SLC38A6: variants seen among roughly 807,000 people sequenced by gnomAD.
The protein encoded by SLC38A6 is solute carrier family 38 member 6.
In SLC38A6, 73 loss-of-function variants were observed where a neutral mutation model predicts 65.0. That is an observed-to-expected ratio of 1.12 (90% CI 0.93 to 1.37). The LOEUF (loss-of-function observed/expected upper bound fraction) is 1.37, where lower values mean the gene tolerates loss of function less well. SLC38A6 is among the 40% of genes most tolerant of loss of function. SLC38A6 has a pLI of 0.00. For missense variants in SLC38A6, 561 were observed against 531.1 expected (o/e 1.06, Z -0.55); for synonymous variants, 183 against 178.8 (o/e 1.02, Z -0.19).
At chr14:60,991,364 A>T (rs2037870248) in intron 3 of SLC38A6, among the ~76,000 whole-genome samples, 1 of 152,194 alleles carries the variant, frequency 6.6e-6, no homozygotes, top group South Asian at 2.1e-4. Flanking sequence ...TAAGGACTTT[A>T]TGAATATGAA....
Position 61,050,622 on chromosome 14 carries a change from C to T in SLC38A6, c.1036C>T (p.Leu346=). ...ATTTGCTGTGCTTTTGACAGTCCCT[C>T]TAATCCACTTCCCTGTAAGTACTCT... ...ILFAVLLTVP[L]IHFPARKAVT... Residue 346 remains leucine (L), a synonymous_variant, in exon 13 of 16, where the codon CTA becomes TTA. Coordinates refer to ENST00000267488, the MANE Select transcript of SLC38A6 (RefSeq NM_153811.3). 1 of 1,571,018 alleles carries T rather than the reference C, an allele frequency of 6.4e-7. No individual in the cohort carries two copies. The highest frequency in any genetic ancestry group is 8.7e-7 in the Non-Finnish European group (1 of 1,152,794).
Position 61,083,689 on chromosome 14 carries a change from A to C in SLC38A6, c.1543A>C (p.Thr515Pro), listed in dbSNP as rs1321381679. The change falls in exon 17 of 17, where the codon ACC (threonine) becomes CCC (proline). Residue 515 changes from threonine to proline, a missense_variant. Transcript: ENST00000354886. ...CCACACCTTGATCTTGCACTTCCCA[A>C]CCTCCAGAACTGTGAGCAAATAAAT... 1.9e-6 allele frequency: 3 copies of C among 1,548,470 alleles called. No individual in the cohort carries two copies. In the South Asian group the frequency reaches 3.6e-5, roughly 19 times the overall value.
intron 12 of SLC38A6, among the ~76,000 whole-genome samples, chr14:61,048,830 A>G (rs2042325377): frequency 6.6e-6 from 1 of 152,188 alleles, no homozygotes. Flanking sequence ...CCATTTAAAA[A>G]GTCTATGAGG....
Position 61,050,556 on chromosome 14 carries a change from T to A in SLC38A6, c.970T>A (p.Ser324Thr). Residue 324 changes from serine (S) to threonine (T), a missense_variant, in exon 13 of 16, where the codon TCA becomes ACA. Coordinates refer to ENST00000267488, the MANE Select transcript of SLC38A6 (RefSeq NM_153811.3). ...ELLKGYSKYL[S>T]HDVVVMTVKL... ...ACTAAAAGGTTATAGTAAATACTTA[T>A]CACATGATGTTGTTGTCATGACTGT... The A allele has an allele frequency of 6.3e-7, 1 of 1,589,584 alleles. No individual in the cohort carries two copies. The highest frequency in any genetic ancestry group is 1.7e-4 in the Middle Eastern group (1 of 5,970).
At chr14:61,028,854 A>G (rs2040766381) in intron 5 of SLC38A6, among the ~76,000 whole-genome samples, 1 of 152,194 alleles carries the variant, frequency 6.6e-6, no homozygotes, top group African/African-American at 2.4e-5. Flanking sequence ...CTATAGTATT[A>G]TCTATCTCCA....
intron 3 of SLC38A6, among the ~76,000 whole-genome samples, chr14:60,991,785 A>G (rs1181324919): frequency 6.6e-6 from 1 of 152,118 alleles, no homozygotes; most frequent in Non-Finnish European, 1.5e-5. Context: ...AGGAGGATCT[A>G]CCTTTCTGTT....
chr14:60,989,037 TCTC>T (rs2037664035), intron 3 of SLC38A6, among the ~76,000 whole-genome samples: 1 of 151,974 alleles, frequency 6.6e-6, no homozygotes, highest in Admixed American at 6.5e-5. Context: ...TTTTATATCT[TCTC>T]CTGTCAAACC....
At chr14:61,074,956 A>G (rs2043350980) in intron 15 of SLC38A6, among the ~76,000 whole-genome samples, 1 of 152,110 alleles carries the variant, frequency 6.6e-6, no homozygotes, top group Admixed American at 6.6e-5. Context: ...TGTGAATTGT[A>G]TACTTTAAAG....
intron 3 of SLC38A6, among the ~76,000 whole-genome samples, chr14:61,014,276 G>T (rs1284211933): frequency 3.3e-5 from 5 of 152,026 alleles, no homozygotes; most frequent in Non-Finnish European, 7.4e-5. Flanking sequence ...ATTCTAGTTA[G>T]CCATTCGTCT....
At chr14:61,039,560 G>C (rs1040702883) in intron 8 of SLC38A6, among the ~76,000 whole-genome samples, 4 of 130,772 alleles carry the variant, frequency 3.1e-5, no homozygotes, top group African/African-American at 1.2e-4. Flanking sequence ...TAGTAGAGAT[G>C]GTGTTTCACC....
At chr14:60,992,749 C>T (rs908821854) in intron 3 of SLC38A6, among the ~76,000 whole-genome samples, 2 of 151,518 alleles carry the variant, frequency 1.3e-5, no homozygotes, top group Admixed American at 6.6e-5. Flanking sequence ...TGCAGTGGCG[C>T]GATCTAGCCA....
intron 3 of SLC38A6, among the ~76,000 whole-genome samples, chr14:60,993,728 A>G (rs1181523853): frequency 1.3e-5 from 2 of 152,220 alleles, no homozygotes; most frequent in Non-Finnish European, 2.9e-5. Flanking sequence ...CCACTCAATA[A>G]GCCTCTTCTG....
At position 61,046,232 on chromosome 14, in the gene SLC38A6, A is replaced by G. The variant is rs563285140; in HGVS notation, c.925+65A>G. 2.2e-4 allele frequency: 233 copies of G among 1,069,050 alleles called. 1 individual carries two copies. Among genetic ancestry groups the G allele is most frequent in the Non-Finnish European group, 2.9e-4 (204 of 713,388 alleles). 66.2% of individuals were successfully genotyped at this position (1,069,050 alleles called of 1,614,324 possible). A position where few individuals can be genotyped will look rare whatever the true frequency, so the allele number is the denominator to read the frequency against. On this transcript the variant is annotated intron_variant, in intron 12 of 15. Transcript: ENST00000267488. ...TACATAGATGGCCTCACGCCAATCTATAGACTTTACCTATGCCTTTTATTA... is the reference window on the plus strand; with the variant it reads ...TACATAGATGGCCTCACGCCAATCTGTAGACTTTACCTATGCCTTTTATTA...
chr14:60,981,701 T>G, intron 1 of SLC38A6: 1 of 1,340,452 alleles, frequency 7.5e-7, no homozygotes. Context: ...AGTTAGTATT[T>G]TTGTCACCTT....
chr14:60,985,544 C>T (rs1419983462), intron 3 of SLC38A6, among the ~76,000 whole-genome samples: 1 of 152,090 alleles, frequency 6.6e-6, no homozygotes, highest in African/African-American at 2.4e-5. Flanking sequence ...TGGATTAGGT[C>T]AGCTTTGATG....
intron 16 of SLC38A6, among the ~76,000 whole-genome samples, chr14:61,079,784 G>A (rs2043570723): frequency 6.6e-6 from 1 of 152,128 alleles, no homozygotes; most frequent in African/African-American, 2.4e-5. Context: ...AGACTTCATG[G>A]TACAGTGCAG....
At chr14:61,017,552 CAAAG>C (rs1425511675) in intron 4 of SLC38A6, among the ~76,000 whole-genome samples, 4 of 152,056 alleles carry the variant, frequency 2.6e-5, no homozygotes, top group African/African-American at 9.7e-5. Flanking sequence ...CTAGTTTAAA[CAAAG>C]AAGAAAATAT....
rs2042971374 is a variant in SLC38A6, at chr14:61,064,838, A to T, written c.1290+12703A>T. Among the ~76,000 whole-genome samples the T allele has an allele frequency of 2.0e-5, 3 of 152,108 alleles. No homozygotes were observed. The South Asian group carries it at 6.2e-4, about 32-fold the overall frequency. ...GGAGACTTGTTTGCTAAATTAAAAG[A>T]CGAAGTGCCAAGACTATAAATTACT... On this transcript the variant is annotated intron_variant, in intron 15 of 16. Coordinates refer to the SLC38A6 transcript ENST00000354886.
chr14:61,013,595 C>G (rs1252858389), intron 3 of SLC38A6, among the ~76,000 whole-genome samples: 3 of 152,188 alleles, frequency 2.0e-5, no homozygotes, highest in Non-Finnish European at 2.9e-5. Context: ...GACAAAATCT[C>G]TCAGCATTTG....
Sources: gnomAD v4.1 joint callset for allele counts (sites outside exome capture counted in the v4.1 genomes callset) on GRCh38, gnomAD v4.1.1 for gene constraint, MANE v1.5 for transcripts, NCBI Gene and HGNC (gene_info 2026-07-23, HGNC 2026-07-21) for gene names.